SEMA6D: variants seen among roughly 807,000 people sequenced by gnomAD.
SEMA6D encodes semaphorin 6D, also known as semaphorin-6D.
SEMA6D carries 35 observed loss-of-function variants against 106.6 expected under a neutral mutation model. That is an observed-to-expected ratio of 0.33 (90% CI 0.25 to 0.44). The LOEUF is 0.44. SEMA6D is among the 20% of genes least tolerant of loss of function. The pLI, the probability that SEMA6D is intolerant of heterozygous loss-of-function variation, is 1.00. For missense variants in SEMA6D, 1,185 were observed against 1,345.9 expected (o/e 0.88, Z 1.87); for synonymous variants, 499 against 487.7 (o/e 1.02, Z -0.31).
chr15:47,556,790 A>G (rs553580876), intron 3 of SEMA6D, among the ~76,000 whole-genome samples: 2 of 152,278 alleles, frequency 1.3e-5, no homozygotes, highest in South Asian at 4.1e-4. Flanking sequence ...TTCTCACAGA[A>G]TTGGACAAAG....
chr15:47,440,199 A>G (rs1335516386), intron 2 of SEMA6D, among the ~76,000 whole-genome samples: 1 of 152,076 alleles, frequency 6.6e-6, no homozygotes, highest in Non-Finnish European at 1.5e-5. Flanking sequence ...TGAGCAAGAG[A>G]GAAATACAGG....
At position 47,574,965 on chromosome 15, in the gene SEMA6D, T is replaced by TA. The variant is rs148528703; in HGVS notation, c.-86-25895dup. On this transcript the variant is annotated intron_variant, in intron 3 of 19. Transcript: ENST00000558014. ...TTGGGCCAAATCCTGGCTCAAATTG[T>TA]AAAAATCAAAGGATTGTCAGCTTTT... Among the ~76,000 whole-genome samples the TA allele has an allele frequency of 5.8e-3, 880 of 152,318 alleles. 7 individuals carry two copies. The highest frequency in any genetic ancestry group is 0.02 in the African/African-American group (830 of 41,580).
chr15:47,726,309 G>A (rs1187321498), intron 1 of SEMA6D, among the ~76,000 whole-genome samples: 1 of 152,220 alleles, frequency 6.6e-6, no homozygotes, highest in Non-Finnish European at 1.5e-5. Context: ...CTAACTAAGA[G>A]CCAACATATA....
At chr15:47,561,823 T>C (rs1378187146) in intron 3 of SEMA6D, among the ~76,000 whole-genome samples, 1 of 151,830 alleles carries the variant, frequency 6.6e-6, no homozygotes, top group Non-Finnish European at 1.5e-5. Context: ...CAAAATTGCA[T>C]GAGAGAGGAA....
chr15:47,223,834 C>A (rs62013975), intron 1 of SEMA6D, among the ~76,000 whole-genome samples: 1,865 of 152,070 alleles, frequency 0.012, 58 homozygotes, highest in Admixed American at 0.013. Flanking sequence ...CTTTTTATTT[C>A]TTTGGTTACA....
intron 4 of SEMA6D, among the ~76,000 whole-genome samples, chr15:47,636,473 G>A (rs1477980388): frequency 4.6e-5 from 7 of 152,168 alleles, no homozygotes; most frequent in African/African-American, 1.7e-4. Context: ...CAACATGGAT[G>A]ATGGCTATCT....
In SEMA6D at chr15:47,763,020, A is replaced by G. The variant is rs1414316686; in HGVS notation, c.663A>G (p.Pro221=). Residue 221 remains proline, a synonymous_variant, in exon 9 of 19, where the codon CCA becomes CCG. Coordinates refer to ENST00000536845, the MANE Select transcript of SEMA6D (RefSeq NM_001358351.3). The part of the protein sequence containing the change: ...IKYDSKWIKE[P]HFLHAIEYGN... ...TGTTTTTAATTTTTCTTTCAGAGCC[A>G]CACTTTCTTCATGCCATAGAATATG... 1.2e-6 allele frequency: 2 copies of G among 1,609,316 alleles called. No homozygotes were observed. Among genetic ancestry groups the G allele is most frequent in the South Asian group, 2.2e-5 (2 of 90,220 alleles).
intron 3 of SEMA6D, among the ~76,000 whole-genome samples, chr15:47,552,601 T>G (rs534169047): frequency 1.4e-4 from 20 of 147,808 alleles, no homozygotes; most frequent in Admixed American, 8.9e-4. Flanking sequence ...TGTCTGCCTG[T>G]GCACATGTAC....
intron 4 of SEMA6D, among the ~76,000 whole-genome samples, chr15:47,680,281 C>T (rs573147120): frequency 7.9e-5 from 12 of 152,190 alleles, no homozygotes; most frequent in Admixed American, 3.9e-4. Flanking sequence ...AGGCCCTCAC[C>T]GAAATCCATC....
chr15:47,322,364 A>G (rs1045035237), intron 1 of SEMA6D, among the ~76,000 whole-genome samples: 1 of 150,990 alleles, frequency 6.6e-6, no homozygotes, highest in Non-Finnish European at 1.5e-5. Context: ...AGTCTGTCCC[A>G]ATAATTTGTG....
At chr15:47,514,203 T>C (rs2044317575) in intron 3 of SEMA6D, among the ~76,000 whole-genome samples, 2 of 152,106 alleles carry the variant, frequency 1.3e-5, no homozygotes, top group Non-Finnish European at 2.9e-5. Flanking sequence ...TCTTCCTCTA[T>C]GTTTTTTCCT....
At chr15:47,259,764 C>T (rs920359053) in intron 1 of SEMA6D, among the ~76,000 whole-genome samples, 3 of 152,150 alleles carry the variant, frequency 2.0e-5, no homozygotes, top group South Asian at 2.1e-4. Flanking sequence ...TGCAAATATT[C>T]TTTCAACTCC....
chr15:47,596,977 C>T (rs934623622), intron 3 of SEMA6D, among the ~76,000 whole-genome samples: 2 of 152,000 alleles, frequency 1.3e-5, no homozygotes, highest in Non-Finnish European at 2.9e-5. Context: ...AAGCAAACAA[C>T]AGAGTGAAGA....
In SEMA6D at chr15:47,739,524, G is replaced by A. The variant is rs138835881; in HGVS notation, c.-54-20221G>A. ...CCTGTTAAGATAGGTTTTAGTGGTG[G>A]GTCTGAGCATGTGATACATCTCAAG... On this transcript the variant is annotated intron_variant, in intron 1 of 18. Coordinates refer to ENST00000536845, the MANE Select transcript of SEMA6D (RefSeq NM_001358351.3). Among the ~76,000 whole-genome samples, 7 of 152,188 alleles carry A rather than the reference G, an allele frequency of 4.6e-5. No homozygotes were observed. In the East Asian group the frequency reaches 1.4e-3, roughly 29 times the overall value.
intron 1 of SEMA6D, among the ~76,000 whole-genome samples, chr15:47,379,685 A>T (rs1268213551): frequency 6.6e-6 from 1 of 152,248 alleles, no homozygotes; most frequent in Non-Finnish European, 1.5e-5. Context: ...TAATGAGAGA[A>T]ATAGTCTTCA....
At chr15:47,197,611 T>G (rs1894447543) in intron 1 of SEMA6D, among the ~76,000 whole-genome samples, 1 of 152,030 alleles carries the variant, frequency 6.6e-6, no homozygotes, top group African/African-American at 2.4e-5. Flanking sequence ...AGCCTCTAAT[T>G]TAACTACCAC....
intron 3 of SEMA6D, among the ~76,000 whole-genome samples, chr15:47,574,034 A>G (rs1238343338): frequency 6.6e-6 from 1 of 152,278 alleles, no homozygotes; most frequent in Admixed American, 6.5e-5. Flanking sequence ...TGCCATTTTC[A>G]TAAGATTGTT....
chr15:47,449,037 G>A (rs1424498741), intron 2 of SEMA6D, among the ~76,000 whole-genome samples: 1 of 151,980 alleles, frequency 6.6e-6, no homozygotes, highest in East Asian at 1.9e-4. Context: ...TACAGACTTT[G>A]ACACCCTCCT....
chr15:47,580,535 C>T (rs2076237886), intron 3 of SEMA6D, among the ~76,000 whole-genome samples: 1 of 152,146 alleles, frequency 6.6e-6, no homozygotes, highest in Non-Finnish European at 1.5e-5. Context: ...ACCTCTCACT[C>T]ACCAACAGCA....
Sources: gnomAD v4.1 joint callset for allele counts (sites outside exome capture counted in the v4.1 genomes callset) on GRCh38, gnomAD v4.1.1 for gene constraint, MANE v1.5 for transcripts, NCBI Gene and HGNC (gene_info 2026-07-23, HGNC 2026-07-21) for gene names.